The following SLC6A3 variants were observed in gnomAD, a reference collection of about 807,000 sequenced individuals.
The protein encoded by SLC6A3 is sodium-dependent dopamine transporter.
Under a neutral mutation model 70.4 loss-of-function variants are expected in SLC6A3, and 19 were observed. The observed-to-expected ratio is 0.27, with a 90% CI of 0.19 to 0.40. The LOEUF is 0.40. Among genes scored for constraint, SLC6A3 ranks in the 10% least tolerant of loss-of-function variants. The pLI is 1.00. For missense variants in SLC6A3, 613 were observed against 838.5 expected, an observed-to-expected ratio of 0.73 and a Z score of 3.32; for synonymous variants, 368 against 356.6, an observed-to-expected ratio of 1.03 and a Z score of -0.36.
Position 1,397,477 on chromosome 5 carries a change from C to T in SLC6A3, c.1840-2719G>A, listed in dbSNP as rs567942679. On this transcript the variant is annotated intron_variant, in intron 14 of 14. Transcript: ENST00000270349. The surrounding 1 kb of genome is among the most constrained non-coding windows in gnomAD (Gnocchi z 4.7). ...AAACAAACAAAAAAGAAACCCAGGT[C>T]CCGACACTCCGCAGTGAACCCGAGA... Among the ~76,000 whole-genome samples, 6 of 152,220 alleles carry T rather than the reference C, an allele frequency of 3.9e-5. No individual in the cohort carries two copies. The highest frequency in any genetic ancestry group is 7.4e-5 in the Non-Finnish European group (5 of 68,018).
At position 1,442,790 on chromosome 5, in the gene SLC6A3, C is replaced by T. The variant is rs983461122; in HGVS notation, c.286+122G>A. ...GATCTGCACCGGCCGTGAGCTCTCA[C>T]AGGGAGCTCCGTCTTCACGCATGGG... On this transcript the variant is annotated intron_variant, in intron 2 of 14. Transcript: ENST00000270349. This position sits in a 1 kb window ranked among gnomAD's most constrained non-coding sequence, Gnocchi z 5.0. The T allele has an allele frequency of 5.4e-5, 54 of 1,008,410 alleles. No individual in the cohort carries two copies. Among genetic ancestry groups the T allele is most frequent in the Non-Finnish European group, 8.2e-5 (53 of 642,634 alleles). The allele number at this position is 1,008,410 out of a possible 1,614,324, so 62.5% of individuals were successfully genotyped here.
intron 4 of SLC6A3, among the ~76,000 whole-genome samples, chr5:1,426,022 T>C (rs2126381316): frequency 6.6e-6 from 1 of 152,182 alleles, no homozygotes; most frequent in East Asian, 1.9e-4. Context: ...AGAAAGTAAG[T>C]GTTGTCAAGG....
intron 4 of SLC6A3, among the ~76,000 whole-genome samples, chr5:1,426,426 G>C (rs889198351): frequency 2.6e-5 from 4 of 152,186 alleles, no homozygotes; most frequent in Non-Finnish European, 5.9e-5. Context: ...TGTAGTCCCA[G>C]CTACTTGGGA....
Position 1,441,405 on chromosome 5 carries a change from G to A in SLC6A3, c.372C>T (p.Asn124=). Residue 124 remains asparagine (N), a synonymous_variant, in exon 3 of 15, where the codon AAC becomes AAT. Transcript: ENST00000270349. ...FYMELALGQF[N]REGAAGVWKI... is the part of the protein sequence containing the mutation. ...TCCAGACACCAGCGGCCCCTTCCCT[G>A]TTGAACTGGCCGAGGGCCAGCTCCA... 6.2e-7 allele frequency: 1 copy of A among 1,614,226 alleles called. No individual in the cohort carries two copies. Among genetic ancestry groups the A allele is most frequent in the Non-Finnish European group, 8.5e-7 (1 of 1,180,030 alleles).
intron 9 of SLC6A3, among the ~76,000 whole-genome samples, chr5:1,410,939 T>C (rs571868603): frequency 6.6e-6 from 1 of 152,016 alleles, no homozygotes; most frequent in East Asian, 1.9e-4. Context: ...TGTGTGTATG[T>C]GTGTGCGTGT....
At chr5:1,444,958 A>G (rs2516289) in intron 1 of SLC6A3, among the ~76,000 whole-genome samples, 2 of 152,102 alleles carry the variant, frequency 1.3e-5, no homozygotes, top group East Asian at 1.9e-4. Context: ...GGCGGTGTAC[A>G]AAACCCACTC....
intron 7 of SLC6A3, 99 bp from the exon 8 acceptor site, chr5:1,414,914 C>T (rs1246128410): frequency 4.3e-5 from 65 of 1,517,640 alleles, no homozygotes; most frequent in Admixed American, 3.6e-4. Context: ...GGGAAGGGGG[C>T]GGGAGGTCTT....
In SLC6A3 at chr5:1,396,839, AAT is replaced by A. The variant is rs949289419; in HGVS notation, c.1840-2083_1840-2082del. Among the ~76,000 whole-genome samples, 1 of 152,162 alleles carries A rather than the reference AAT, an allele frequency of 6.6e-6. No homozygotes were observed. Among genetic ancestry groups the A allele is most frequent in the Non-Finnish European group, 1.5e-5 (1 of 68,024 alleles). On this transcript the variant is annotated intron_variant, in intron 14 of 14. Transcript: ENST00000270349. This position sits in a 1 kb window ranked among gnomAD's most constrained non-coding sequence, Gnocchi z 7.0. The stretch of plus-strand genomic sequence containing the variant: ...GCTACACCAAATGCTGAAGCCAAAT[AAT>A]ACACTTTTTAGGAAGCTAGAAATAT...
chr5:1,434,845 G>T (rs1274216267), intron 3 of SLC6A3, among the ~76,000 whole-genome samples: 1 of 152,164 alleles, frequency 6.6e-6, no homozygotes, highest in African/African-American at 2.4e-5. Flanking sequence ...CCTCAGTAAA[G>T]TTCTCTTCCT....
chr5:1,441,730 C>T (rs879887266), intron 2 of SLC6A3, among the ~76,000 whole-genome samples: 5 of 152,212 alleles, frequency 3.3e-5, no homozygotes, highest in Admixed American at 2.0e-4. Flanking sequence ...GCCATGAAGT[C>T]AAACCCAAGA....
chr5:1,438,340 G>A lies in SLC6A3; in HGVS notation c.418+3019C>T, dbSNP rs1277845949. On this transcript the variant is annotated intron_variant, in intron 3 of 14. Coordinates refer to ENST00000270349, the MANE Select transcript of SLC6A3 (RefSeq NM_001044.5). The surrounding 1 kb of genome is among the most constrained non-coding windows in gnomAD (Gnocchi z 6.5). The stretch of plus-strand genomic sequence containing the variant: ...GAACGAAGCTGGCGGCATGGAATGC[G>A]GGATTGTGGGCACAGGGTCTGTGAC... 6.6e-6 allele frequency among the ~76,000 whole-genome samples: 1 copy of A among 152,358 alleles called. No individual in the cohort carries two copies. Among genetic ancestry groups the A allele is most frequent in the South Asian group, 2.1e-4 (1 of 4,828 alleles).
chr5:1,401,348 A>C lies in SLC6A3; in HGVS notation c.1768-362T>G. The C allele has an allele frequency of 2.0e-6, 1 of 501,344 alleles. No homozygotes were observed. The highest frequency in any genetic ancestry group is 3.9e-6 in the Non-Finnish European group (1 of 257,936). 31.1% of individuals were successfully genotyped at this position (501,344 alleles called of 1,614,324 possible). On this transcript the variant is annotated intron_variant, in intron 13 of 14. Coordinates refer to ENST00000270349, the MANE Select transcript of SLC6A3 (RefSeq NM_001044.5). This position sits in a 1 kb window ranked among gnomAD's most constrained non-coding sequence, Gnocchi z 6.1. ...CTGGGCTCTGAGTAAGAAAGTGCCC[A>C]CACCCAGGTGGGCTGCCTCGGGGCC...
Position 1,403,029 on chromosome 5 carries a change from G to A in SLC6A3, c.1660C>T (p.Pro554Ser). ...CAGCCCAGCGCGTTGGCCCAGTCGG[G>A]GAAGATGTAGGCTCCGTAGTGGGGG... ...RPPHYGAYIFPDWANALGWVI... is the reference protein window; with the variant it reads ...RPPHYGAYIFSDWANALGWVI... The change falls in exon 13 of 15, where the codon CCC (proline) becomes TCC (serine). Residue 554 changes from proline (P) to serine (S), a missense_variant. Around this residue, in one of 4 missense-constraint regions of SLC6A3, gnomAD observed 348 missense variants for 481.2 expected, o/e 0.72. Coordinates refer to ENST00000270349, the MANE Select transcript of SLC6A3 (RefSeq NM_001044.5). The A allele has an allele frequency of 3.1e-6, 5 of 1,614,070 alleles. No individual in the cohort carries two copies. The highest frequency in any genetic ancestry group is 4.2e-6 in the Non-Finnish European group (5 of 1,180,028).
At chr5:1,430,797 C>CTCACCTCTCGCCTGGCTGTTCCTA (rs3834250) in intron 4 of SLC6A3, among the ~76,000 whole-genome samples, 1 of 151,942 alleles carries the variant, frequency 6.6e-6, no homozygotes, top group Non-Finnish European at 1.5e-5. Context: ...GGCTTCTCTG[C>CTCACCTCTCGCCTGGCTGTTCCTA]TCACCGTGAC....
intron 14 of SLC6A3, among the ~76,000 whole-genome samples, chr5:1,399,163 TAAAAAC>T: frequency 6.6e-6 from 1 of 152,180 alleles, no homozygotes; most frequent in Non-Finnish European, 1.5e-5. Flanking sequence ...ATTTGGAAAT[TAAAAAC>T]AAAAAGATGA....
At position 1,421,978 on chromosome 5, in the gene SLC6A3, G is replaced by C. The variant is rs764881650; in HGVS notation, c.690C>G (p.Ile230Met). 1 of 1,612,876 alleles carries C rather than the reference G, an allele frequency of 6.2e-7. No individual in the cohort carries two copies. The highest frequency in any genetic ancestry group is 8.5e-7 in the Non-Finnish European group (1 of 1,180,020). Residue 230 changes from isoleucine to methionine, a missense_variant, in exon 5 of 15, where the codon ATC becomes ATG. Ile to Met is a conservative substitution (Grantham distance 10). This residue lies in a region of SLC6A3 where 153 missense variants were observed against 249.4 expected (regional missense o/e 0.61). Coordinates refer to ENST00000270349, the MANE Select transcript of SLC6A3 (RefSeq NM_001044.5). This position sits in a 1 kb window ranked among gnomAD's most constrained non-coding sequence, Gnocchi z 7.2. ...GVLHLHQSHGIDDLGPPRWQL... is the reference protein window; with the variant it reads ...GVLHLHQSHGMDDLGPPRWQL... ...GCCACCGCGGAGGCCCCAGGTCGTC[G>C]ATGCCATGGCTCTGGTGGAGGTGCA...
chr5:1,430,474 G>C (rs556085474), intron 4 of SLC6A3, among the ~76,000 whole-genome samples: 34 of 152,298 alleles, frequency 2.2e-4, no homozygotes, highest in African/African-American at 7.9e-4. Context: ...CTGAATATCT[G>C]AGTGCAGAGC....
rs1755862153 is a variant in SLC6A3 at position 1,401,979 on chromosome 5, T to G, written c.1767+943A>C. ...AGAAGCCCCCAGCCACACACTGTGC[T>G]TTGCCTGCACTGGGCCTTGGCCTGG... On this transcript the variant is annotated intron_variant, in intron 13 of 14. Coordinates refer to ENST00000270349, the MANE Select transcript of SLC6A3 (RefSeq NM_001044.5). This position sits in a 1 kb window ranked among gnomAD's most constrained non-coding sequence, Gnocchi z 6.1. Among the ~76,000 whole-genome samples, 1 of 152,188 alleles carries G rather than the reference T, an allele frequency of 6.6e-6. No individual in the cohort carries two copies. The highest frequency in any genetic ancestry group is 2.4e-5 in the African/African-American group (1 of 41,458).
Position 1,412,531 on chromosome 5 carries a change from G to A in SLC6A3, c.1157-1176C>T, listed in dbSNP as rs1024238050. The stretch of plus-strand genomic sequence containing the variant: ...CTTCCTGCTACCAGCAGGCAGACTC[G>A]GATGGAGGTGGAGGGGACGAGAGTG... On this transcript the variant is annotated intron_variant, in intron 8 of 14. Transcript: ENST00000270349. Among the ~76,000 whole-genome samples the A allele has an allele frequency of 3.3e-5, 5 of 152,362 alleles. No individual in the cohort carries two copies. In the East Asian group the frequency reaches 5.8e-4, roughly 18 times the overall value.
Sources: allele counts gnomAD v4.1 joint callset (sites outside exome capture counted in the v4.1 genomes callset), GRCh38; gene constraint gnomAD v4.1.1; regional missense constraint gnomAD v4.1.1; non-coding constraint Gnocchi (gnomAD v3.1); transcripts MANE v1.5; gene names NCBI Gene and HGNC (gene_info 2026-07-23, HGNC 2026-07-21).